The following CNTN5 variants were observed in gnomAD, a reference collection of about 807,000 sequenced individuals.
CNTN5 encodes contactin 5.
In CNTN5, 77 loss-of-function variants were observed where a neutral mutation model predicts 129.1. That is an observed-to-expected ratio of 0.60 (90% CI 0.50 to 0.72). CNTN5 has a LOEUF of 0.72. Ranked by LOEUF, CNTN5 falls within the 30% of genes least tolerant of loss-of-function variation. CNTN5 has a pLI of 0.00. For synonymous variants in CNTN5, 509 were observed against 465.6 expected, an observed-to-expected ratio of 1.09 and a Z score of -1.20; for missense variants, 1,478 against 1,328.8, an observed-to-expected ratio of 1.11 and a Z score of -1.75.
intron 2 of CNTN5, among the ~76,000 whole-genome samples, chr11:99,456,654 T>C (rs1360640040): frequency 6.6e-6 from 1 of 152,116 alleles, no homozygotes. Flanking sequence ...CCTTTCCAAC[T>C]ATTTGTTCTT....
At chr11:99,659,077 A>G (rs1390522575) in intron 3 of CNTN5, among the ~76,000 whole-genome samples, 2 of 152,020 alleles carry the variant, frequency 1.3e-5, no homozygotes, top group African/African-American at 2.4e-5. Context: ...CAAGCTGGTC[A>G]AAGACACTTA....
intron 3 of CNTN5, among the ~76,000 whole-genome samples, chr11:99,725,868 G>T (rs1943320200): frequency 6.6e-6 from 1 of 152,160 alleles, no homozygotes; most frequent in Admixed American, 6.5e-5. Flanking sequence ...CAGGCTTTCT[G>T]TAATGTGGCC....
chr11:99,190,202 A>T (rs931645129), intron 1 of CNTN5, among the ~76,000 whole-genome samples: 2 of 151,666 alleles, frequency 1.3e-5, no homozygotes, highest in African/African-American at 4.8e-5. Flanking sequence ...TCAATTGCCC[A>T]TAAACACATG....
At chr11:99,474,987 G>A (rs938068875) in intron 2 of CNTN5, among the ~76,000 whole-genome samples, 3 of 152,088 alleles carry the variant, frequency 2.0e-5, no homozygotes, top group African/African-American at 7.2e-5. Flanking sequence ...TAAGAGGTGG[G>A]TCTTATAAGA....
chr11:99,544,619 A>G (rs1948230322), intron 2 of CNTN5, among the ~76,000 whole-genome samples: 1 of 152,230 alleles, frequency 6.6e-6, no homozygotes, highest in Non-Finnish European at 1.5e-5. Flanking sequence ...AATGTGGAGA[A>G]ATTATAGTGA....
chr11:99,109,661 C>T (rs956554586), intron 1 of CNTN5, among the ~76,000 whole-genome samples: 2 of 152,102 alleles, frequency 1.3e-5, no homozygotes, highest in Admixed American at 1.3e-4. Context: ...ATAGAACCAT[C>T]GGCATTTGAA....
At chr11:100,287,160 G>A (rs955786698) in intron 18 of CNTN5, among the ~76,000 whole-genome samples, 5 of 152,172 alleles carry the variant, frequency 3.3e-5, no homozygotes, top group African/African-American at 9.7e-5. Context: ...TGGGGAGAAT[G>A]GAACCAAGTT....
intron 6 of CNTN5, among the ~76,000 whole-genome samples, chr11:99,847,623 G>A (rs1288926573): frequency 1.3e-5 from 2 of 152,142 alleles, no homozygotes; most frequent in African/African-American, 4.8e-5. Context: ...TCTCCACCTA[G>A]ATGCCATTAT....
chr11:99,539,233 A>AAG (rs1319070185), intron 2 of CNTN5, among the ~76,000 whole-genome samples: 1 of 152,138 alleles, frequency 6.6e-6, no homozygotes, highest in East Asian at 1.9e-4. Context: ...ATTCCTAGTT[A>AAG]AGATGTAAAT....
intron 2 of CNTN5, among the ~76,000 whole-genome samples, chr11:99,489,030 A>G (rs1945931177): frequency 6.7e-6 from 1 of 149,406 alleles, no homozygotes; most frequent in Non-Finnish European, 1.5e-5. Context: ...CTACTCTATG[A>G]TTTGCCAAGG....
intron 9 of CNTN5, among the ~76,000 whole-genome samples, chr11:100,018,411 T>A (rs1482868855): frequency 6.6e-6 from 1 of 152,004 alleles, no homozygotes; most frequent in Non-Finnish European, 1.5e-5. Flanking sequence ...TCATACAATA[T>A]CTACTCTTTT....
chr11:99,342,676 T>C (rs113517369), intron 2 of CNTN5, among the ~76,000 whole-genome samples: 8,712 of 148,444 alleles, frequency 0.059, 364 homozygotes, highest in Non-Finnish European at 0.091. Flanking sequence ...AGATGGAGGT[T>C]GTGGTGATAG....
chr11:100,193,465 T>G (rs1316006572), intron 14 of CNTN5, 23 bp from the exon 15 acceptor site: 2 of 1,401,944 alleles, frequency 1.4e-6, no homozygotes, highest in African/African-American at 1.5e-5. Context: ...ATTATCTTAA[T>G]TAACGTATTT....
chr11:99,120,765 G>A (rs1858280872), intron 1 of CNTN5, among the ~76,000 whole-genome samples: 2 of 152,008 alleles, frequency 1.3e-5, no homozygotes, highest in Admixed American at 1.3e-4. Context: ...TGCATAGTTC[G>A]AGTCACAGAT....
intron 3 of CNTN5, among the ~76,000 whole-genome samples, chr11:99,644,871 G>C (rs553742266): frequency 1.3e-4 from 19 of 151,988 alleles, no homozygotes; most frequent in African/African-American, 4.3e-4. Context: ...AATAAATACA[G>C]CTTTAGATTC....
In CNTN5 at chr11:100,262,697, C is replaced by A. The variant is rs527548015; in HGVS notation, c.2164+6779C>A. Reference sequence around the variant, plus strand: ...CAGCAAACTAACACAGGAACAGAAACCAAACACCACATGTTCTCACTCATA... The same window carrying A: ...CAGCAAACTAACACAGGAACAGAAAACAAACACCACATGTTCTCACTCATA... On this transcript the variant is annotated intron_variant, in intron 17 of 24. Transcript: ENST00000524871. 1.2e-4 allele frequency among the ~76,000 whole-genome samples: 18 copies of A among 152,152 alleles called. 1 individual carries two copies. In the South Asian group the frequency reaches 3.1e-3, roughly 26 times the overall value.
chr11:99,043,504 GAATAT>G (rs1248690635), intron 1 of CNTN5, among the ~76,000 whole-genome samples: 2 of 152,062 alleles, frequency 1.3e-5, no homozygotes, highest in Non-Finnish European at 2.9e-5. Flanking sequence ...AATAACAGTA[GAATAT>G]ATAATGCCTT....
intron 1 of CNTN5, among the ~76,000 whole-genome samples, chr11:99,271,254 A>G (rs1310357092): frequency 1.3e-5 from 2 of 151,798 alleles, no homozygotes; most frequent in Non-Finnish European, 2.9e-5. Flanking sequence ...TGGAAAATGC[A>G]TTTTTTTATT....
At chr11:99,760,293 C>T (rs546849689) in intron 3 of CNTN5, among the ~76,000 whole-genome samples, 8 of 152,216 alleles carry the variant, frequency 5.3e-5, no homozygotes, top group East Asian at 1.9e-4. Context: ...GTCACAATTA[C>T]GCTAATTCTG....
Sources: allele counts gnomAD v4.1 joint callset (sites outside exome capture counted in the v4.1 genomes callset), GRCh38; gene constraint gnomAD v4.1.1; transcripts MANE v1.5; gene names NCBI Gene and HGNC (gene_info 2026-07-23, HGNC 2026-07-21).